GPRIN2: variants seen among roughly 807,000 people sequenced by gnomAD.
The protein encoded by GPRIN2 is G protein-regulated inducer of neurite outgrowth 2.
Under a neutral mutation model 0.3 loss-of-function variants are expected in GPRIN2, and 1 was observed. That is an observed-to-expected ratio of 3.90 (90% CI 1.39 to 18.51). The LOEUF (loss-of-function observed/expected upper bound fraction) is 18.51, where lower values mean the gene tolerates loss of function less well. Ranked by LOEUF, GPRIN2 falls within the 30% of genes most tolerant of loss-of-function variation. GPRIN2 has a pLI of 0.11. For missense variants in GPRIN2, 880 were observed against 604.2 expected (o/e 1.46, Z -4.79); for synonymous variants, 361 against 258.6 (o/e 1.40, Z -3.80).
chr10:46,552,851 G>A (rs1212530326), intron 2 of GPRIN2, among the ~76,000 whole-genome samples: 2 of 152,306 alleles, frequency 1.3e-5, no homozygotes, highest in African/African-American at 4.8e-5. Flanking sequence ...CGGGGCTGAA[G>A]CCAGACTTGT....
chr10:46,549,458 T>C lies in GPRIN2; in HGVS notation c.1279A>G (p.Ser427Gly). Residue 427 changes from serine to glycine, a missense_variant, in exon 3 of 3, where the codon AGC (serine) becomes GGC (glycine). Ser to Gly is a moderately conservative substitution (Grantham distance 56). Transcript: ENST00000374314. ...QLQRAPASEDSLSVEGRRGPL... is the reference protein window; with the variant it reads ...QLQRAPASEDGLSVEGRRGPL... The stretch of plus-strand genomic sequence containing the variant: ...CCCCTCCGGCCCTCCACAGACAGGC[T>C]GTCCTCGCTGGCGGGCGCCCGCTGC... 1.2e-6 allele frequency: 2 copies of C among 1,609,642 alleles called. No homozygotes were observed. The highest frequency in any genetic ancestry group is 1.1e-5 in the South Asian group (1 of 90,460).
chr10:46,556,306 A>G (rs1367378272), intron 1 of GPRIN2, among the ~76,000 whole-genome samples, 192 bp downstream of exon 1: 1 of 152,306 alleles, frequency 6.6e-6, no homozygotes, highest in Non-Finnish European at 1.5e-5. Context: ...AGGGGACAGG[A>G]CAGGACAATG....
Position 46,549,270 on chromosome 10 carries a change from G to T in GPRIN2, c.*90C>A, listed in dbSNP as rs1842434659. On this transcript the variant is annotated 3_prime_UTR_variant, in exon 3 of 3. Coordinates refer to ENST00000374314, the MANE Select transcript of GPRIN2 (RefSeq NM_001385282.1). ...GTGAGAGATGTGCCCAGCTGCCGGTGGGTCCAGGGGGCACGGAGCCCCCAC... is the reference window on the plus strand; with the variant it reads ...GTGAGAGATGTGCCCAGCTGCCGGTTGGTCCAGGGGGCACGGAGCCCCCAC... 2 of 1,393,002 alleles carry T rather than the reference G, an allele frequency of 1.4e-6. No homozygotes were observed. The highest frequency in any genetic ancestry group is 3.4e-5 in the South Asian group (2 of 59,632). The allele number at this position is 1,393,002 out of a possible 1,614,324, so 86.3% of individuals were successfully genotyped here.
Position 46,546,350 on chromosome 10 carries a change from G to C in GPRIN2, c.*3010C>G, listed in dbSNP as rs1408303120. The stretch of plus-strand genomic sequence containing the variant: ...CAGGGAGCCCCTGGAGCAGACAGAG[G>C]GGGGATTCCTGCTGAGGCAAGGGGC... On this transcript the variant is annotated 3_prime_UTR_variant, in exon 3 of 3. Coordinates refer to ENST00000374314, the MANE Select transcript of GPRIN2 (RefSeq NM_001385282.1). Among the ~76,000 whole-genome samples the C allele has an allele frequency of 6.6e-6, 1 of 152,306 alleles. No homozygotes were observed. Among genetic ancestry groups the C allele is most frequent in the African/African-American group, 2.4e-5 (1 of 41,486 alleles).
rs1832392429 is a variant in GPRIN2, at chr10:46,550,374, A to G, written c.363T>C (p.His121=). Residue 121 remains histidine (H), a synonymous_variant, in exon 3 of 3, where the codon CAT becomes CAC. Coordinates refer to ENST00000374314, the MANE Select transcript of GPRIN2 (RefSeq NM_001385282.1). ...APSAAAMQRS[H]SDLVRSTQMR... is the part of the protein sequence containing the mutation. ...TCTGGGTGCTACGGACCAGGTCTGA[A>G]TGGCTCCTCTGCATAGCAGCAGCAC... 1 of 1,612,642 alleles carries G rather than the reference A, an allele frequency of 6.2e-7. No homozygotes were observed. Among genetic ancestry groups the G allele is most frequent in the Non-Finnish European group, 8.5e-7 (1 of 1,179,810 alleles).
Position 46,550,686 on chromosome 10 carries a change from G to A in GPRIN2, c.51C>T (p.Arg17=). The change falls in exon 3 of 3, where the codon CGC becomes CGT. Residue 17 remains arginine, a synonymous_variant. Coordinates refer to ENST00000374314, the MANE Select transcript of GPRIN2 (RefSeq NM_001385282.1). Reference sequence around the variant, plus strand: ...AAGAGCTCTGGGACAGGGGCTGAAGGCGGGGGCTCAGGGGTGCCCAGGGAC... The same window carrying A: ...AAGAGCTCTGGGACAGGGGCTGAAGACGGGGGCTCAGGGGTGCCCAGGGAC... ...EPGPWAPLSP[R]LQPLSQSSSS... is the part of the protein sequence containing the mutation. 6.6e-7 allele frequency: 1 copy of A among 1,522,076 alleles called. No individual in the cohort carries two copies. Among genetic ancestry groups the A allele is most frequent in the Non-Finnish European group, 8.8e-7 (1 of 1,138,156 alleles). 94.3% of individuals were successfully genotyped at this position (1,522,076 alleles called of 1,614,324 possible).
rs1186934117 is a variant in GPRIN2, at chr10:46,556,597, G to A, written c.-217C>T. ...CCCAAGATGGAGCCAGAGCCGACCTGGCCTGGGCGCGAGACGCCGCCCGCC... is the reference window on the plus strand; with the variant it reads ...CCCAAGATGGAGCCAGAGCCGACCTAGCCTGGGCGCGAGACGCCGCCCGCC... On this transcript the variant is annotated 5_prime_UTR_variant, in exon 1 of 3. Coordinates refer to ENST00000374314, the MANE Select transcript of GPRIN2 (RefSeq NM_001385282.1). Among the ~76,000 whole-genome samples the A allele has an allele frequency of 1.3e-5, 2 of 152,064 alleles. No individual in the cohort carries two copies. Among genetic ancestry groups the A allele is most frequent in the African/African-American group, 4.8e-5 (2 of 41,448 alleles).
At position 46,550,293 on chromosome 10, in the gene GPRIN2, G is replaced by T; in HGVS notation, c.444C>A (p.Ser148Arg). The change falls in exon 3 of 3, where the codon AGC (serine) becomes AGA (arginine). Residue 148 changes from serine to arginine, a missense_variant. Coordinates refer to ENST00000374314, the MANE Select transcript of GPRIN2 (RefSeq NM_001385282.1). ...GCAGCTGAGCCCTGTGGACAGGGCT[G>T]CTGCCAAGGGCTGAGCAGCTGAGAC... Reference protein sequence around the residue: ...KASLSCSALGSSPVHRAQLQP... With the variant: ...KASLSCSALGRSPVHRAQLQP... 1 of 1,612,794 alleles carries T rather than the reference G, an allele frequency of 6.2e-7. No homozygotes were observed. Among genetic ancestry groups the T allele is most frequent in the Non-Finnish European group, 8.5e-7 (1 of 1,179,842 alleles).
Position 46,547,261 on chromosome 10 carries a change from C to G in GPRIN2, c.*2099G>C, listed in dbSNP as rs1842246408. Among the ~76,000 whole-genome samples, 1 of 152,310 alleles carries G rather than the reference C, an allele frequency of 6.6e-6. No individual in the cohort carries two copies. The highest frequency in any genetic ancestry group is 2.4e-5 in the African/African-American group (1 of 41,488). On this transcript the variant is annotated 3_prime_UTR_variant, in exon 3 of 3. Coordinates refer to ENST00000374314, the MANE Select transcript of GPRIN2 (RefSeq NM_001385282.1). ...TGAACCCAGCCCCCAGCTGCCCACT[C>G]CATTGCCCCTAAACAGGCCCCTCCT... is the stretch of plus-strand genomic sequence containing the variant.
At position 46,542,657 on chromosome 10, in the gene GPRIN2, C is replaced by G. The variant is rs1429887712; in HGVS notation, c.*6703G>C. Among the ~76,000 whole-genome samples the G allele has an allele frequency of 6.6e-6, 1 of 152,306 alleles. No individual in the cohort carries two copies. The highest frequency in any genetic ancestry group is 1.5e-5 in the Non-Finnish European group (1 of 68,056). Reference sequence around the variant, plus strand: ...CCTTTATAAATTACCCAGTCTCAGGCAGTTCTTTATAGCAGCATGAAAATG... The same window carrying G: ...CCTTTATAAATTACCCAGTCTCAGGGAGTTCTTTATAGCAGCATGAAAATG... On this transcript the variant is annotated 3_prime_UTR_variant, in exon 3 of 3. Coordinates refer to ENST00000374314, the MANE Select transcript of GPRIN2 (RefSeq NM_001385282.1).
intron 2 of GPRIN2, among the ~76,000 whole-genome samples, chr10:46,553,029 C>T (rs1242919864): frequency 7.9e-5 from 12 of 152,418 alleles, no homozygotes; most frequent in South Asian, 4.1e-4. Flanking sequence ...GGGCCAGACA[C>T]GTGCCACATC....
rs1842070398 is a variant in GPRIN2 at position 46,545,403 on chromosome 10, T to C, written c.*3957A>G. 6.6e-6 allele frequency among the ~76,000 whole-genome samples: 1 copy of C among 152,308 alleles called. No individual in the cohort carries two copies. The highest frequency in any genetic ancestry group is 2.4e-5 in the African/African-American group (1 of 41,484). ...CAGGGCTCCCCTTTAGGGTCTGACT[T>C]GGACTGAAATCACACCCTGCCTTGC... On this transcript the variant is annotated 3_prime_UTR_variant, in exon 3 of 3. Coordinates refer to ENST00000374314, the MANE Select transcript of GPRIN2 (RefSeq NM_001385282.1).
At position 46,549,746 on chromosome 10, in the gene GPRIN2, A is replaced by C; in HGVS notation, c.991T>G (p.Ser331Ala). The change falls in exon 3 of 3, where the codon TCA becomes GCA. Residue 331 changes from serine to alanine, a missense_variant. Ser to Ala is a moderately conservative substitution (Grantham distance 99, BLOSUM62 1). Coordinates refer to ENST00000374314, the MANE Select transcript of GPRIN2 (RefSeq NM_001385282.1). ...DLAPAEASPLSAQDAGVQAAP... is the reference protein window; with the variant it reads ...DLAPAEASPLAAQDAGVQAAP... ...GCCTGCACACCAGCATCCTGGGCTGACAGCGGGGATGCCTCTGCAGGGGCC... is the reference window on the plus strand; with the variant it reads ...GCCTGCACACCAGCATCCTGGGCTGCCAGCGGGGATGCCTCTGCAGGGGCC... 1 of 1,614,228 alleles carries C rather than the reference A, an allele frequency of 6.2e-7. No individual in the cohort carries two copies. Among genetic ancestry groups the C allele is most frequent in the South Asian group, 1.1e-5 (1 of 91,090 alleles).
chr10:46,550,191 A>G lies in GPRIN2; in HGVS notation c.546T>C (p.Thr182=), dbSNP rs1842480323. ...LERDLAPEDE[T]SNSAWMLGAS... The stretch of plus-strand genomic sequence containing the variant: ...CCCCCAGCATCCAGGCTGAGTTAGA[A>G]GTCTCATCCTCAGGAGCCAGGTCCC... The change falls in exon 3 of 3, where the codon ACT becomes ACC. Residue 182 remains threonine (T), a synonymous_variant. Transcript: ENST00000374314. The G allele has an allele frequency of 1.2e-6, 2 of 1,600,268 alleles. No individual in the cohort carries two copies. The highest frequency in any genetic ancestry group is 1.7e-6 in the Non-Finnish European group (2 of 1,172,978).
chr10:46,553,225 A>G (rs1170149604), intron 2 of GPRIN2, among the ~76,000 whole-genome samples: 2 of 152,304 alleles, frequency 1.3e-5, no homozygotes, highest in Non-Finnish European at 2.9e-5. Context: ...CGCAGCTCTC[A>G]CCCTTTTTAC....
chr10:46,556,970 C>T (rs892380461), upstream of GPRIN2, among the ~76,000 whole-genome samples: 7 of 152,290 alleles, frequency 4.6e-5, no homozygotes, highest in Non-Finnish European at 1.5e-5. Context: ...CACGATTCTC[C>T]GGCCCCAGAC....
At chr10:46,556,839 C>T (rs1843300614), upstream of GPRIN2, among the ~76,000 whole-genome samples, 1 of 152,282 alleles carries the variant, frequency 6.6e-6, no homozygotes, top group African/African-American at 2.4e-5. Flanking sequence ...CCCCACTGTC[C>T]TCGGTCTTTT....
rs1317690604 is a variant in GPRIN2 at position 46,545,654 on chromosome 10, G to A, written c.*3706C>T. ...AACCTGGAAAGAGGCTCTGAACAAGGGACTTTTAAGGAAGTGGGATGTGGG... is the reference window on the plus strand; with the variant it reads ...AACCTGGAAAGAGGCTCTGAACAAGAGACTTTTAAGGAAGTGGGATGTGGG... On this transcript the variant is annotated 3_prime_UTR_variant, in exon 3 of 3. Transcript: ENST00000374314. 2.0e-5 allele frequency among the ~76,000 whole-genome samples: 3 copies of A among 152,302 alleles called. No individual in the cohort carries two copies. Among genetic ancestry groups the A allele is most frequent in the Admixed American group, 6.5e-5 (1 of 15,294 alleles).
Position 46,548,296 on chromosome 10 carries a change from G to A in GPRIN2, c.*1064C>T, listed in dbSNP as rs1832809432. 6.6e-6 allele frequency among the ~76,000 whole-genome samples: 1 copy of A among 152,266 alleles called. No homozygotes were observed. Among genetic ancestry groups the A allele is most frequent in the Non-Finnish European group, 1.5e-5 (1 of 68,038 alleles). Reference sequence around the variant, plus strand: ...CCCTGGCCCCCACTGCCTAGCCTAGGTCAGGTCATGTGGGCAAGCGAGCCC... The same window carrying A: ...CCCTGGCCCCCACTGCCTAGCCTAGATCAGGTCATGTGGGCAAGCGAGCCC... On this transcript the variant is annotated 3_prime_UTR_variant, in exon 3 of 3. Coordinates refer to ENST00000374314, the MANE Select transcript of GPRIN2 (RefSeq NM_001385282.1).
Sources: gnomAD v4.1 joint callset for allele counts (sites outside exome capture counted in the v4.1 genomes callset) on GRCh38, gnomAD v4.1.1 for gene constraint, MANE v1.5 for transcripts, NCBI Gene and HGNC (gene_info 2026-07-23, HGNC 2026-07-21) for gene names.